MTHFD1L: variants seen among roughly 807,000 people sequenced by gnomAD.
MTHFD1L encodes methylenetetrahydrofolate dehydrogenase (NADP+ dependent) 1 like.
Under a neutral mutation model 119.5 loss-of-function variants are expected in MTHFD1L, and 81 were observed. The ratio of observed to expected loss-of-function variants is 0.68; its 90% CI spans 0.57 to 0.82. The LOEUF (loss-of-function observed/expected upper bound fraction) is 0.82. Among genes scored for constraint, MTHFD1L ranks in the 40% least tolerant of loss-of-function variants. MTHFD1L has a pLI of 0.00. For synonymous variants in MTHFD1L, 430 were observed against 475.2 expected, an observed-to-expected ratio of 0.90 and a Z score of 1.24; for missense variants, 1,125 against 1,253.4, an observed-to-expected ratio of 0.90 and a Z score of 1.55.
At chr6:150,954,609 A>G (rs564840469) in intron 16 of MTHFD1L, among the ~76,000 whole-genome samples, 1 of 151,978 alleles carries the variant, frequency 6.6e-6, no homozygotes, top group African/African-American at 2.4e-5. Context: ...GAATCGCTTG[A>G]TCCCAGGAGG....
chr6:151,057,867 C>T (rs538934498), intron 26 of MTHFD1L, among the ~76,000 whole-genome samples: 2 of 152,320 alleles, frequency 1.3e-5, no homozygotes, highest in South Asian at 2.1e-4. Flanking sequence ...CAACCTCCGC[C>T]TCCCAGGCTC....
intron 20 of MTHFD1L, among the ~76,000 whole-genome samples, chr6:150,999,147 A>G (rs964830694): frequency 6.6e-6 from 1 of 152,270 alleles, no homozygotes; most frequent in Non-Finnish European, 1.5e-5. Flanking sequence ...TTAAAAGCCA[A>G]AAATCACTTC....
intron 26 of MTHFD1L, among the ~76,000 whole-genome samples, chr6:151,057,552 G>A (rs1416225098): frequency 6.6e-6 from 1 of 151,794 alleles, no homozygotes; most frequent in Non-Finnish European, 1.5e-5. Flanking sequence ...CCATCGCTTG[G>A]GCCCAGGAGG....
chr6:150,915,883 C>T (rs1203705565), intron 8 of MTHFD1L, among the ~76,000 whole-genome samples: 1 of 152,168 alleles, frequency 6.6e-6, no homozygotes, highest in Admixed American at 6.5e-5. Flanking sequence ...GGATTACAGG[C>T]GTGAGCCACC....
Position 151,014,949 on chromosome 6 carries a change from G to C in MTHFD1L, c.2377G>C (p.Val793Leu). 6.2e-7 allele frequency: 1 copy of C among 1,614,068 alleles called. No individual in the cohort carries two copies. Among genetic ancestry groups the C allele is most frequent in the South Asian group, 1.1e-5 (1 of 91,076 alleles). ...AATTCAGATCACTCAGCTCTTTGGG[G>C]TTCCCGTTGTGGTGGCTCTGAATGT... is the stretch of plus-strand genomic sequence containing the variant. ...KQIQITQLFG[V>L]PVVVALNVFK... The change falls in exon 23 of 28, where the codon GTT (valine) becomes CTT (leucine). Residue 793 changes from valine (V) to leucine (L), a missense_variant. By Grantham distance (32) the Val-to-Leu change is conservative (BLOSUM62 1). Transcript: ENST00000367321.
Position 151,057,114 on chromosome 6 carries a change from A to G in MTHFD1L, c.2847+19997A>G, listed in dbSNP as rs1790065036. On this transcript the variant is annotated intron_variant, in intron 26 of 27. Transcript: ENST00000367321. ...TCTAATTATAACTAATGAACAGTTCAGCTCTGGTAATTGTAGGCTTGCTGG... is the reference window on the plus strand; with the variant it reads ...TCTAATTATAACTAATGAACAGTTCGGCTCTGGTAATTGTAGGCTTGCTGG... 3.9e-6 allele frequency: 3 copies of G among 768,860 alleles called. No individual in the cohort carries two copies. In the Admixed American group the frequency reaches 1.9e-4, roughly 48 times the overall value. 47.6% of individuals were successfully genotyped at this position (768,860 alleles called of 1,614,324 possible).
intron 11 of MTHFD1L, among the ~76,000 whole-genome samples, chr6:150,928,903 T>C (rs544390402): frequency 6.6e-6 from 1 of 152,292 alleles, no homozygotes; most frequent in Admixed American, 6.5e-5. Context: ...CCTCAGCAGT[T>C]GGCATTGTAA....
chr6:151,051,726 C>G (rs928239910), intron 26 of MTHFD1L, among the ~76,000 whole-genome samples: 1 of 152,200 alleles, frequency 6.6e-6, no homozygotes, highest in African/African-American at 2.4e-5. Flanking sequence ...ATTAGTGCAG[C>G]CTTTGCCAAG....
intron 11 of MTHFD1L, among the ~76,000 whole-genome samples, chr6:150,931,431 T>G (rs2128922797): frequency 6.6e-6 from 1 of 152,320 alleles, no homozygotes; most frequent in African/African-American, 2.4e-5. Flanking sequence ...TGTGATTTTC[T>G]TTTATTTGTG....
intron 5 of MTHFD1L, among the ~76,000 whole-genome samples, chr6:150,884,141 A>ATT (rs55821340): frequency 0.045 from 5,827 of 130,576 alleles, 177 homozygotes; most frequent in Non-Finnish European, 0.064. Context: ...CCTCATCTCT[A>ATT]TTTTTTTTTT....
chr6:150,932,760 C>T (rs1791285757), intron 11 of MTHFD1L, among the ~76,000 whole-genome samples: 2 of 134,288 alleles, frequency 1.5e-5, no homozygotes, highest in South Asian at 4.7e-4. Flanking sequence ...AAGAGCGAAA[C>T]TCCATGTGTC....
chr6:151,047,672 G>A (rs1297385684), intron 26 of MTHFD1L, among the ~76,000 whole-genome samples: 1 of 152,118 alleles, frequency 6.6e-6, no homozygotes, highest in Non-Finnish European at 1.5e-5. Flanking sequence ...CCAACCCCAA[G>A]AATATGTTGT....
intron 7 of MTHFD1L, among the ~76,000 whole-genome samples, chr6:150,904,383 T>C: frequency 6.6e-6 from 1 of 152,132 alleles, no homozygotes; most frequent in East Asian, 1.9e-4. Flanking sequence ...AGTCGCCCTC[T>C]TGCTGCCTAG....
At chr6:151,098,686 G>T (rs1331554566) in intron 27 of MTHFD1L, among the ~76,000 whole-genome samples, 3 of 152,280 alleles carry the variant, frequency 2.0e-5, no homozygotes, top group Non-Finnish European at 4.4e-5. Context: ...TCCCATGCCA[G>T]AATAGACTGT....
Position 150,926,695 on chromosome 6 carries a change from T to G in MTHFD1L, c.1256+400T>G, listed in dbSNP as rs759156384. Among the ~76,000 whole-genome samples, 10 of 152,232 alleles carry G rather than the reference T, an allele frequency of 6.6e-5. No individual in the cohort carries two copies. The highest frequency in any genetic ancestry group is 2.0e-4 in the Admixed American group (3 of 15,276). On this transcript the variant is annotated intron_variant, in intron 11 of 27. Coordinates refer to ENST00000367321, the MANE Select transcript of MTHFD1L (RefSeq NM_015440.5). This position sits in a 1 kb window ranked among gnomAD's most constrained non-coding sequence, Gnocchi z 4.3. Reference sequence around the variant, plus strand: ...CGTGGAAAAGGTACAGATAATCATATGAAACATGTTTTCCTGTTAATATCC... The same window carrying G: ...CGTGGAAAAGGTACAGATAATCATAGGAAACATGTTTTCCTGTTAATATCC...
At position 150,866,560 on chromosome 6, in the gene MTHFD1L, C is replaced by T. The variant is rs889554283; in HGVS notation, c.227+511C>T. The T allele has an allele frequency of 3.7e-5, 45 of 1,232,676 alleles. No individual in the cohort carries two copies. In the East Asian group the frequency reaches 1.3e-3, roughly 35 times the overall value. 76.4% of individuals were successfully genotyped at this position (1,232,676 alleles called of 1,614,324 possible). A position where few individuals can be genotyped will look rare whatever the true frequency, so the allele number is the denominator to read the frequency against. ...CCGCGCGAAGCTCCCTGGTGTTGTG[C>T]GCCCTTCCCCGCGCGCGGCCCCTCC... On this transcript the variant is annotated intron_variant, in intron 1 of 27. Transcript: ENST00000367321.
intron 26 of MTHFD1L, among the ~76,000 whole-genome samples, chr6:151,049,630 C>G (rs1187847175): frequency 6.7e-6 from 1 of 149,598 alleles, no homozygotes; most frequent in African/African-American, 2.5e-5. Context: ...CCACTGCACT[C>G]CAGCCTGGGA....
Position 150,871,939 on chromosome 6 carries a change from G to A in MTHFD1L, c.228-4151G>A, listed in dbSNP as rs374776255. On this transcript the variant is annotated intron_variant, in intron 1 of 27. Coordinates refer to ENST00000367321, the MANE Select transcript of MTHFD1L (RefSeq NM_015440.5). ...TTCACCCAGGCTGGAGTGCAGTGGC[G>A]CGATCTCTGCTCACTGCAACCTCTG... Among the ~76,000 whole-genome samples, 108 of 150,732 alleles carry A rather than the reference G, an allele frequency of 7.2e-4. 5 individuals carry two copies. The South Asian group carries it at 0.017, about 24-fold the overall frequency.
At chr6:150,874,684 G>C (rs1320271334) in intron 1 of MTHFD1L, among the ~76,000 whole-genome samples, 2 of 152,318 alleles carry the variant, frequency 1.3e-5, no homozygotes, top group East Asian at 3.9e-4. Context: ...GTGCTGCTGA[G>C]AACATATCAT....
Sources: allele counts gnomAD v4.1 joint callset (sites outside exome capture counted in the v4.1 genomes callset), GRCh38; gene constraint gnomAD v4.1.1; non-coding constraint Gnocchi (gnomAD v3.1); transcripts MANE v1.5; gene names NCBI Gene and HGNC (gene_info 2026-07-23, HGNC 2026-07-21).